Variants in ATP6V1B1 observed in about 807,000 individuals in gnomAD.
The protein encoded by ATP6V1B1 is V-type proton ATPase subunit B, kidney isoform.
A neutral mutation model predicts 62.1 loss-of-function variants in ATP6V1B1; 41 were observed. That is an observed-to-expected ratio of 0.66 (90% CI 0.51 to 0.86). ATP6V1B1 has a LOEUF of 0.86. Ranked by LOEUF, ATP6V1B1 falls within the 40% of genes least tolerant of loss-of-function variation. ATP6V1B1 has a pLI of 0.00. For missense variants in ATP6V1B1, 651 were observed against 697.5 expected, an observed-to-expected ratio of 0.93 and a Z score of 0.75; for synonymous variants, 253 against 273.4, an observed-to-expected ratio of 0.93 and a Z score of 0.74.
intron 2 of ATP6V1B1, among the ~76,000 whole-genome samples, chr2:70,957,250 A>AATATATATAT (rs55638187): frequency 1.1e-4 from 16 of 144,910 alleles, no homozygotes; most frequent in African/African-American, 4.1e-4. Context: ...CACACCTGGC[A>AATATATATAT]ATATATATAT....
At chr2:70,945,434 T>G (rs1416370372) in intron 2 of ATP6V1B1, among the ~76,000 whole-genome samples, 1 of 152,066 alleles carries the variant, frequency 6.6e-6, no homozygotes, top group Admixed American at 6.6e-5. Context: ...CTGTAGACTC[T>G]GAGATAGGTT....
chr2:70,963,122 C>G lies in ATP6V1B1; in HGVS notation c.910-40C>G. On this transcript the variant is annotated intron_variant, in intron 9 of 13. Coordinates refer to ENST00000234396, the MANE Select transcript of ATP6V1B1 (RefSeq NM_001692.4). The surrounding 1 kb of genome is among the most constrained non-coding windows in gnomAD (Gnocchi z 4.3). Reference sequence around the variant, plus strand: ...CACCCACCCTTCCTAGCTTCAGCCTCTCATCCCCTTTCTTACCCCAGTGCC... The same window carrying G: ...CACCCACCCTTCCTAGCTTCAGCCTGTCATCCCCTTTCTTACCCCAGTGCC... 6.2e-7 allele frequency: 1 copy of G among 1,613,812 alleles called. No individual in the cohort carries two copies. The highest frequency in any genetic ancestry group is 8.5e-7 in the Non-Finnish European group (1 of 1,179,914).
intron 2 of ATP6V1B1, among the ~76,000 whole-genome samples, chr2:70,946,667 G>T (rs969859052): frequency 1.3e-5 from 2 of 152,220 alleles, no homozygotes; most frequent in Non-Finnish European, 2.9e-5. Flanking sequence ...AGAATAGCCA[G>T]CAATGTTTCT....
intron 6 of ATP6V1B1, 140 bp from the exon 7 acceptor site, chr2:70,960,781 G>C (rs2072458): frequency 7.6e-6 from 2 of 261,974 alleles, no homozygotes; most frequent in South Asian, 3.0e-5. Context: ...CCCACCCCAA[G>C]AAAGACTAGC....
Position 70,963,244 on chromosome 2 carries a change from G to T in ATP6V1B1, c.992G>T (p.Arg331Leu). 2 of 1,613,884 alleles carry T rather than the reference G, an allele frequency of 1.2e-6. No homozygotes were observed. Among genetic ancestry groups the T allele is most frequent in the Admixed American group, 1.7e-5 (1 of 60,010 alleles). ...ACAGACCTGGCCACCATCTACGAGC[G>T]GGCGGGCCGCGTGGAGGGTCGGGGA... ...MYTDLATIYE[R>L]AGRVEGRGGS... The change falls in exon 10 of 14, where the codon CGG (arginine) becomes CTG (leucine). Residue 331 changes from arginine (R) to leucine (L), a missense_variant. By Grantham distance (102) the Arg-to-Leu change is moderately radical. Coordinates refer to ENST00000234396, the MANE Select transcript of ATP6V1B1 (RefSeq NM_001692.4). The surrounding 1 kb of genome is among the most constrained non-coding windows in gnomAD (Gnocchi z 4.3).
Position 70,950,932 on chromosome 2 carries a change from A to ATTTTTTTTTTTT in ATP6V1B1, c.175-7098_175-7087dup, listed in dbSNP as rs55871344. Among the ~76,000 whole-genome samples, 13 of 64,602 alleles carry ATTTTTTTTTTTT rather than the reference A, an allele frequency of 2.0e-4. 2 individuals carry two copies. Among genetic ancestry groups the ATTTTTTTTTTTT allele is most frequent in the African/African-American group, 7.0e-4 (11 of 15,658 alleles). 42.4% of individuals were successfully genotyped at this position (64,602 alleles called of 152,430 possible). On this transcript the variant is annotated intron_variant, in intron 2 of 13. Transcript: ENST00000234396. ...ACTGTGTGTGCATAATTTTTTCCTG[A>ATTTTTTTTTTTT]TTTTTTTTTTTTTTTTTTTTTTTTT...
Position 70,945,699 on chromosome 2 carries a change from GAGATATATATATATATATAT to G in ATP6V1B1, c.174+1988_174+2007del, listed in dbSNP as rs1244124132. On this transcript the variant is annotated intron_variant, in intron 2 of 13. Coordinates refer to ENST00000234396, the MANE Select transcript of ATP6V1B1 (RefSeq NM_001692.4). ...AGTATCCTCTTTCTGGCTATTTGAA[GAGATATATATATATATATAT>G]ATATATATATATATATATATATAGT... 1.1e-3 allele frequency among the ~76,000 whole-genome samples: 77 copies of G among 70,114 alleles called. 3 individuals carry two copies. Among genetic ancestry groups the G allele is most frequent in the South Asian group, 0.011 (18 of 1,656 alleles). 46.0% of individuals were successfully genotyped at this position (70,114 alleles called of 152,430 possible). A position where few individuals can be genotyped will look rare whatever the true frequency, so the allele number is the denominator to read the frequency against.
At chr2:70,942,871 G>A (rs1177965206) in intron 1 of ATP6V1B1, among the ~76,000 whole-genome samples, 1 of 152,228 alleles carries the variant, frequency 6.6e-6, no homozygotes, top group African/African-American at 2.4e-5. Context: ...GCAAGGGACT[G>A]TCCCAGGTCT....
At chr2:70,950,619 G>C (rs1429951419) in intron 2 of ATP6V1B1, among the ~76,000 whole-genome samples, 1 of 151,890 alleles carries the variant, frequency 6.6e-6, no homozygotes, top group Admixed American at 6.6e-5. Flanking sequence ...AAAGGAGGGG[G>C]GGAATGATTT....
chr2:70,951,690 G>T (rs1356651803), intron 2 of ATP6V1B1, among the ~76,000 whole-genome samples: 1 of 151,966 alleles, frequency 6.6e-6, no homozygotes, highest in Non-Finnish European at 1.5e-5. Flanking sequence ...GGCAGGTCAG[G>T]AGTTCGAGAC....
Position 70,963,297 on chromosome 2 carries a change from A to G in ATP6V1B1, c.1045A>G (p.Thr349Ala). Reference sequence around the variant, plus strand: ...ATCCATCACACAGATCCCCATCCTCACCATGCCCAACGACGGTAGCCTCCT... The same window carrying G: ...ATCCATCACACAGATCCCCATCCTCGCCATGCCCAACGACGGTAGCCTCCT... The part of the protein sequence containing the change: ...GGSITQIPIL[T>A]MPNDDITHPI... Residue 349 changes from threonine to alanine, a missense_variant, in exon 10 of 14, where the codon ACC becomes GCC. Physicochemically the swap from Thr to Ala is moderately conservative, Grantham distance 58. Transcript: ENST00000234396. This position sits in a 1 kb window ranked among gnomAD's most constrained non-coding sequence, Gnocchi z 4.3. 1 of 1,613,164 alleles carries G rather than the reference A, an allele frequency of 6.2e-7. No homozygotes were observed.
At chr2:70,945,573 G>A (rs1680138707) in intron 2 of ATP6V1B1, among the ~76,000 whole-genome samples, 1 of 151,638 alleles carries the variant, frequency 6.6e-6, no homozygotes, top group Admixed American at 6.6e-5. Flanking sequence ...ATATTCCTGA[G>A]GTACACAGTG....
At chr2:70,945,846 A>G (rs1338568678) in intron 2 of ATP6V1B1, among the ~76,000 whole-genome samples, 6 of 150,736 alleles carry the variant, frequency 4.0e-5, no homozygotes, top group African/African-American at 1.5e-4. Flanking sequence ...CTCCTAGACT[A>G]CACTTCCCCC....
chr2:70,940,678 T>G lies in ATP6V1B1; in HGVS notation c.119-2980T>G, dbSNP rs1360150301. On this transcript the variant is annotated intron_variant, in intron 1 of 13. Transcript: ENST00000234396. The stretch of plus-strand genomic sequence containing the variant: ...CAGCCCCTTAGCCCAGTACATCCTC[T>G]TTCTCTTCTACTCTCTGCCTTCTCA... The G allele has an allele frequency of 1.3e-5, 13 of 985,294 alleles. No individual in the cohort carries two copies. In the African/African-American group the frequency reaches 2.3e-4, roughly 17 times the overall value. 61.0% of individuals were successfully genotyped at this position (985,294 alleles called of 1,614,324 possible). A position where few individuals can be genotyped will look rare whatever the true frequency, so the allele number is the denominator to read the frequency against.
intron 2 of ATP6V1B1, among the ~76,000 whole-genome samples, chr2:70,950,467 T>TTATGTTATTTATGTTTTATGTAA (rs1553418112): frequency 1.2e-4 from 18 of 151,344 alleles, no homozygotes; most frequent in Non-Finnish European, 2.5e-4. Flanking sequence ...TGTTTAGGAC[T>TTATGTTATTTATGTTTTATGTAA]TGTTTTATGT....
Position 70,963,220 on chromosome 2 carries a change from C to A in ATP6V1B1, c.968C>A (p.Thr323Lys). The A allele has an allele frequency of 6.2e-7, 1 of 1,614,124 alleles. No homozygotes were observed. ...GRRGFPGYMY[T>K]DLATIYERAG... ...CGAGGGTTTCCTGGATATATGTACA[C>A]AGACCTGGCCACCATCTACGAGCGG... The change falls in exon 10 of 14, where the codon ACA (threonine) becomes AAA (lysine). Residue 323 changes from threonine (T) to lysine (K), a missense_variant. Coordinates refer to ENST00000234396, the MANE Select transcript of ATP6V1B1 (RefSeq NM_001692.4). The surrounding 1 kb of genome is among the most constrained non-coding windows in gnomAD (Gnocchi z 4.3).
At chr2:70,964,901 T>C (rs1456204247) in intron 13 of ATP6V1B1, 36 bp downstream of exon 13, 19 of 1,613,912 alleles carry the variant, frequency 1.2e-5, no homozygotes, top group Non-Finnish European at 1.5e-5. Flanking sequence ...CAGTAACCTC[T>C]TCACCCTCCT....
chr2:70,944,150 GT>G, intron 2 of ATP6V1B1: 3 of 1,287,986 alleles, frequency 2.3e-6, no homozygotes, highest in Non-Finnish European at 3.0e-6. Flanking sequence ...GAGGTGGCAA[GT>G]CAATGCCAAC....
In ATP6V1B1 at chr2:70,958,077, C is replaced by T. The variant is rs782795848; in HGVS notation, c.206C>T (p.Thr69Ile). 2.5e-6 allele frequency: 4 copies of T among 1,614,152 alleles called. No individual in the cohort carries two copies. The highest frequency in any genetic ancestry group is 2.2e-5 in the East Asian group (1 of 44,882). The change falls in exon 3 of 14, where the codon ACC (threonine) becomes ATC (isoleucine). Residue 69 changes from threonine to isoleucine, a missense_variant. Transcript: ENST00000234396. Reference sequence around the variant, plus strand: ...CAGTATGCGGAGATCGTCCACTTCACCCTCCCAGATGGGACTCAGAGGAGC... The same window carrying T: ...CAGTATGCGGAGATCGTCCACTTCATCCTCCCAGATGGGACTCAGAGGAGC... ...FAQYAEIVHF[T>I]LPDGTQRSGQ...
Sources: gnomAD v4.1 joint callset for allele counts (sites outside exome capture counted in the v4.1 genomes callset) on GRCh38, gnomAD v4.1.1 for gene constraint, Gnocchi (gnomAD v3.1) non-coding constraint, MANE v1.5 for transcripts, NCBI Gene and HGNC (gene_info 2026-07-23, HGNC 2026-07-21) for gene names.